The following IFNAR2 variants were observed in gnomAD, a reference collection of about 807,000 sequenced individuals.
IFNAR2 encodes the protein interferon alpha/beta receptor 2.
IFNAR2 carries 30 observed loss-of-function variants against 49.4 expected under a neutral mutation model. The ratio of observed to expected loss-of-function variants is 0.61; its 90% CI spans 0.45 to 0.82. IFNAR2 has a LOEUF of 0.82. Ranked by LOEUF, IFNAR2 falls within the 40% of genes least tolerant of loss-of-function variation. IFNAR2 has a pLI of 0.00. For synonymous variants in IFNAR2, 224 were observed against 234.5 expected (o/e 0.96, Z 0.41); for missense variants, 600 against 622.7 (o/e 0.96, Z 0.39).
intron 6 of IFNAR2, chr21:33,251,550 T>C (rs1251500227): frequency 2.0e-6 from 2 of 985,294 alleles, no homozygotes; most frequent in African/African-American, 3.5e-5. Flanking sequence ...TTTTAGTTTG[T>C]TGGGTCGTAA....
chr21:33,231,244 C>T (rs562225537), intron 1 of IFNAR2, among the ~76,000 whole-genome samples: 1 of 152,228 alleles, frequency 6.6e-6, no homozygotes, highest in Admixed American at 6.5e-5. Flanking sequence ...GTAGCAGATA[C>T]TCTATCAAAA....
chr21:33,249,898 A>G (rs1343621337), intron 6 of IFNAR2, among the ~76,000 whole-genome samples: 1 of 152,184 alleles, frequency 6.6e-6, no homozygotes, highest in Middle Eastern at 3.2e-3. Flanking sequence ...TGGAGTGACC[A>G]GGCAGGAGAT....
chr21:33,262,643 TCAAA>T (rs1347565442), intron 8 of IFNAR2, 146 bp from the exon 9 acceptor site: 43 of 1,124,730 alleles, frequency 3.8e-5, no homozygotes, highest in Middle Eastern at 2.0e-4. Context: ...ACTCCTGAGC[TCAAA>T]CAGTCGTCCT....
chr21:33,231,310 A>G (rs1568872250), intron 1 of IFNAR2, among the ~76,000 whole-genome samples: 1 of 152,230 alleles, frequency 6.6e-6, no homozygotes, highest in African/African-American at 2.4e-5. Flanking sequence ...CATAGCTGAT[A>G]AGGCTTGATC....
intron 7 of IFNAR2, among the ~76,000 whole-genome samples, chr21:33,254,548 C>G (rs571875755): frequency 1.3e-5 from 2 of 152,200 alleles, no homozygotes; most frequent in South Asian, 4.1e-4. Flanking sequence ...TTTTTTAAGT[C>G]CAGTAAGAAA....
In IFNAR2 at chr21:33,252,835, G is replaced by C; in HGVS notation, c.709+5G>C. 2 of 1,609,806 alleles carry C rather than the reference G, an allele frequency of 1.2e-6. No homozygotes were observed. The highest frequency in any genetic ancestry group is 8.5e-7 in the Non-Finnish European group (1 of 1,176,146). On this transcript the variant is annotated splice_donor_5th_base_variant and intron_variant, in intron 7 of 8. Coordinates refer to ENST00000342136, the MANE Select transcript of IFNAR2 (RefSeq NM_001289125.3). ...TTCCACCTGGCCAGGAATCAGGTATGTTCATTTTTTTAAATTCATGTTTTG... is the reference window on the plus strand; with the variant it reads ...TTCCACCTGGCCAGGAATCAGGTATCTTCATTTTTTTAAATTCATGTTTTG...
chr21:33,248,477 A>T (rs1987608912), intron 5 of IFNAR2, among the ~76,000 whole-genome samples: 1 of 152,246 alleles, frequency 6.6e-6, no homozygotes, highest in African/African-American at 2.4e-5. Context: ...AGAATATCCC[A>T]TGATACATTA....
chr21:33,251,216 GAGAA>G (rs1987813756), intron 6 of IFNAR2, among the ~76,000 whole-genome samples: 2 of 152,164 alleles, frequency 1.3e-5, no homozygotes, highest in South Asian at 2.1e-4. Context: ...AAAATCGACT[GAGAA>G]AGAGCAACCA....
At chr21:33,253,039 C>T (rs1987971606) in intron 7 of IFNAR2, among the ~76,000 whole-genome samples, 3 of 152,154 alleles carry the variant, frequency 2.0e-5, no homozygotes, top group Non-Finnish European at 4.4e-5. Flanking sequence ...CAATCAGATA[C>T]TACTCGATGA....
At chr21:33,242,334 A>T (rs774160959) in intron 2 of IFNAR2, among the ~76,000 whole-genome samples, 2 of 152,240 alleles carry the variant, frequency 1.3e-5, no homozygotes, top group Non-Finnish European at 2.9e-5. Context: ...CAACATGCTT[A>T]TTCATATTCT....
chr21:33,257,747 G>A (rs1449050756), intron 7 of IFNAR2, among the ~76,000 whole-genome samples: 1 of 152,200 alleles, frequency 6.6e-6, no homozygotes, highest in Non-Finnish European at 1.5e-5. Flanking sequence ...TTCACTTAGA[G>A]AAGGATCAGC....
intron 7 of IFNAR2, among the ~76,000 whole-genome samples, chr21:33,256,234 C>T (rs1988200432): frequency 6.6e-6 from 1 of 152,196 alleles, no homozygotes; most frequent in South Asian, 2.1e-4. Context: ...ACAACATCCT[C>T]TCAGGTCATT....
Position 33,230,647 on chromosome 21 carries a change from A to G in IFNAR2, c.-84+431A>G. 1 of 466,922 alleles carries G rather than the reference A, an allele frequency of 2.1e-6. No individual in the cohort carries two copies. The highest frequency in any genetic ancestry group is 4.4e-6 in the Non-Finnish European group (1 of 224,886). The allele number at this position is 466,922 out of a possible 1,614,324, so 28.9% of individuals were successfully genotyped here. A position where few individuals can be genotyped will look rare whatever the true frequency, so the allele number is the denominator to read the frequency against. Reference sequence around the variant, plus strand: ...CACCAGCTGGGTGCTCAGGTTCGGGATCTCCAGCCCGCCCCCTTGAGGTCC... The same window carrying G: ...CACCAGCTGGGTGCTCAGGTTCGGGGTCTCCAGCCCGCCCCCTTGAGGTCC... On this transcript the variant is annotated intron_variant, in intron 1 of 8. Transcript: ENST00000342136. The surrounding 1 kb of genome is among the most constrained non-coding windows in gnomAD (Gnocchi z 5.5).
chr21:33,252,782 A>G lies in IFNAR2; in HGVS notation c.661A>G (p.Ile221Val). ...AGAGCACAGTGATGAGCAAGCAGTA[A>G]TAAAGTCTCCCTTAAAATGCACCCT... ...YLEHSDEQAVIKSPLKCTLLP... is the reference protein window; with the variant it reads ...YLEHSDEQAVVKSPLKCTLLP... The change falls in exon 7 of 9, where the codon ATA (isoleucine) becomes GTA (valine). Residue 221 changes from isoleucine (I) to valine (V), a missense_variant. Coordinates refer to ENST00000342136, the MANE Select transcript of IFNAR2 (RefSeq NM_001289125.3). 1 of 1,614,118 alleles carries G rather than the reference A, an allele frequency of 6.2e-7. No individual in the cohort carries two copies. Among genetic ancestry groups the G allele is most frequent in the Non-Finnish European group, 8.5e-7 (1 of 1,179,952 alleles).
Position 33,244,847 on chromosome 21 carries a change from A to T in IFNAR2, c.98-104A>T. On this transcript the variant is annotated intron_variant, in intron 3 of 8. Transcript: ENST00000342136. ...GACACCAGGGCTCTCTGGAGAGGTT[A>T]TCTGCCAGAGGTGTGGGTTCTAGAT... 1.1e-5 allele frequency: 12 copies of T among 1,056,054 alleles called. No individual in the cohort carries two copies. The South Asian group carries it at 1.7e-4, about 15-fold the overall frequency. 65.4% of individuals were successfully genotyped at this position (1,056,054 alleles called of 1,614,324 possible). A position where few individuals can be genotyped will look rare whatever the true frequency, so the allele number is the denominator to read the frequency against.
At chr21:33,260,919 T>A (rs1160396258) in intron 8 of IFNAR2, among the ~76,000 whole-genome samples, 192 bp downstream of exon 8, 2 of 152,056 alleles carry the variant, frequency 1.3e-5, no homozygotes, top group Non-Finnish European at 2.9e-5. Context: ...TTGTTTTTGT[T>A]TTTATTATAC....
In IFNAR2 at chr21:33,252,820, C is replaced by A. The variant is rs759585780; in HGVS notation, c.699C>A (p.Gly233=). 1.2e-6 allele frequency: 2 copies of A among 1,612,508 alleles called. No homozygotes were observed. Among genetic ancestry groups the A allele is most frequent in the Non-Finnish European group, 1.7e-6 (2 of 1,178,560 alleles). The change falls in exon 7 of 9, where the codon GGC becomes GGA. Residue 233 remains glycine (G), a synonymous_variant. Transcript: ENST00000342136. Reference sequence around the variant, plus strand: ...TAAAATGCACCCTCCTTCCACCTGGCCAGGAATCAGGTATGTTCATTTTTT... The same window carrying A: ...TAAAATGCACCCTCCTTCCACCTGGACAGGAATCAGGTATGTTCATTTTTT... The part of the protein sequence containing the change: ...SPLKCTLLPP[G]QESESAESAK...
chr21:33,245,054 A>G lies in IFNAR2; in HGVS notation c.201A>G (p.Thr67=), dbSNP rs1987293277. ...ACTCCATTGTACCAACTCACTATAC[A>G]TTGCTGTATACAATCATGAGGTTGG... ...KNHSIVPTHY[T]LLYTIMSKPE... The change falls in exon 4 of 9, where the codon ACA becomes ACG. Residue 67 remains threonine (T), a synonymous_variant. Coordinates refer to ENST00000342136, the MANE Select transcript of IFNAR2 (RefSeq NM_001289125.3). 2.5e-6 allele frequency: 4 copies of G among 1,610,270 alleles called. No individual in the cohort carries two copies. The highest frequency in any genetic ancestry group is 3.4e-6 in the Non-Finnish European group (4 of 1,176,520).
chr21:33,247,541 C>T (rs1051429985), intron 5 of IFNAR2, among the ~76,000 whole-genome samples: 1 of 152,134 alleles, frequency 6.6e-6, no homozygotes, highest in African/African-American at 2.4e-5. Flanking sequence ...TGAGCCACCA[C>T]ACCTGGCCCC....
Sources: allele counts gnomAD v4.1 joint callset (sites outside exome capture counted in the v4.1 genomes callset), GRCh38; gene constraint gnomAD v4.1.1; non-coding constraint Gnocchi (gnomAD v3.1); transcripts MANE v1.5; gene names NCBI Gene and HGNC (gene_info 2026-07-23, HGNC 2026-07-21).